PCDHGA3: variants seen among roughly 807,000 people sequenced by gnomAD.
The protein encoded by PCDHGA3 is protocadherin gamma subfamily A, 3, also known as protocadherin gamma-A3.
A neutral mutation model predicts 58.5 loss-of-function variants in PCDHGA3; 40 were observed. The ratio of observed to expected loss-of-function variants is 0.68; its 90% CI spans 0.53 to 0.89. The LOEUF is 0.89. Ranked by LOEUF, PCDHGA3 falls within the 40% of genes least tolerant of loss-of-function variation. PCDHGA3 has a pLI of 0.00. For synonymous variants in PCDHGA3, 530 were observed against 525.7 expected, an observed-to-expected ratio of 1.01 and a Z score of -0.11; for missense variants, 1,223 against 1,195.9, an observed-to-expected ratio of 1.02 and a Z score of -0.33.
intron 1 of PCDHGA3, among the ~76,000 whole-genome samples, chr5:141,369,231 A>T (rs1421250665): frequency 1.3e-5 from 2 of 152,188 alleles, no homozygotes; most frequent in Non-Finnish European, 2.9e-5. Context: ...GGACAGGAAG[A>T]TTACTTATAT....
chr5:141,350,881 A>C, intron 1 of PCDHGA3: 1 of 1,614,060 alleles, frequency 6.2e-7, no homozygotes, highest in Non-Finnish European at 8.5e-7. Context: ...CTCATCGCTT[A>C]ATCCTGACTG....
At chr5:141,369,364 A>G (rs1766184094) in intron 1 of PCDHGA3, among the ~76,000 whole-genome samples, 2 of 152,320 alleles carry the variant, frequency 1.3e-5, no homozygotes, top group African/African-American at 4.8e-5. Context: ...ATGAAAAAAC[A>G]TCCTTTGTAA....
chr5:141,362,293 A>G lies in PCDHGA3; in HGVS notation c.2424+15836A>G, dbSNP rs1303338188. On this transcript the variant is annotated intron_variant, in intron 1 of 3. Coordinates refer to ENST00000253812, the MANE Select transcript of PCDHGA3 (RefSeq NM_018916.4). ...CTCCCTGCGCCTGCGACTCTCTTCC[A>G]GGTCAGATGCTTGGGACTGTTTTCA... The G allele has an allele frequency of 2.5e-6, 4 of 1,614,028 alleles. No individual in the cohort carries two copies. The South Asian group carries it at 3.3e-5, about 13-fold the overall frequency.
intron 1 of PCDHGA3, chr5:141,390,367 T>C (rs2092130153): frequency 6.6e-7 from 1 of 1,518,766 alleles, no homozygotes; most frequent in African/African-American, 1.4e-5. Flanking sequence ...TGCAGGAAAA[T>C]ATATAATTTT....
In PCDHGA3 at chr5:141,345,525, G is replaced by A; in HGVS notation, c.1492G>A (p.Gly498Arg). Reference sequence around the variant, plus strand: ...TGCATTGACCGAGGACACTCTCCAGGGGGCGCCCCTGTCCTCCTTCGTCTC... The same window carrying A: ...TGCATTGACCGAGGACACTCTCCAGAGGGCGCCCCTGTCCTCCTTCGTCTC... Reference protein sequence around the residue: ...TYALTEDTLQGAPLSSFVSIN... With the variant: ...TYALTEDTLQRAPLSSFVSIN... Residue 498 changes from glycine (G) to arginine (R), a missense_variant, in exon 1 of 4, where the codon GGG becomes AGG. Physicochemically the swap from Gly to Arg is moderately radical, Grantham distance 125. This residue lies in a region of PCDHGA3 where 791 missense variants were observed against 708.5 expected (regional missense o/e 1.12). Coordinates refer to ENST00000253812, the MANE Select transcript of PCDHGA3 (RefSeq NM_018916.4). 1 of 1,614,116 alleles carries A rather than the reference G, an allele frequency of 6.2e-7. No homozygotes were observed. The highest frequency in any genetic ancestry group is 8.5e-7 in the Non-Finnish European group (1 of 1,180,020).
At chr5:141,378,339 A>G (rs62378424) in intron 1 of PCDHGA3, 5,525 of 152,288 alleles carry the variant, frequency 0.036, 122 homozygotes, top group Middle Eastern at 0.092. Flanking sequence ...CCTGACCAAC[A>G]TGGTGAAACC....
chr5:141,428,173 C>G, intron 1 of PCDHGA3: 1 of 1,514,730 alleles, frequency 6.6e-7, no homozygotes. Context: ...CTGTGCGTGA[C>G]GGAGGACAGC....
chr5:141,486,832 A>G lies in PCDHGA3; in HGVS notation c.2425-7975A>G. 2.5e-6 allele frequency: 4 copies of G among 1,614,182 alleles called. No individual in the cohort carries two copies. Among genetic ancestry groups the G allele is most frequent in the South Asian group, 1.1e-5 (1 of 91,082 alleles). ...TTAGCAGCACTGTAACAGTTCGTCT[A>G]TTTGTGCTGGACCTCAATGACAATG... On this transcript the variant is annotated intron_variant, in intron 1 of 3. Transcript: ENST00000253812. The surrounding 1 kb of genome is among the most constrained non-coding windows in gnomAD (Gnocchi z 5.0).
intron 1 of PCDHGA3, chr5:141,391,737 T>C (rs1050956818): frequency 6.6e-6 from 1 of 152,224 alleles, no homozygotes; most frequent in Non-Finnish European, 1.5e-5. Context: ...TTTGTAGTCA[T>C]ACTTATCCTT....
chr5:141,390,234 G>A (rs1357417854), intron 1 of PCDHGA3: 15 of 1,614,046 alleles, frequency 9.3e-6, no homozygotes, highest in Non-Finnish European at 1.3e-5. Context: ...TGATTCATCT[G>A]GGGCCTTATT....
At chr5:141,385,227 A>G (rs781548290) in intron 1 of PCDHGA3, 1 of 1,614,220 alleles carries the variant, frequency 6.2e-7, no homozygotes, top group South Asian at 1.1e-5. Context: ...CCAACTATGT[A>G]GACATGCTCA....
Position 141,345,006 on chromosome 5 carries a change from C to T in PCDHGA3, c.973C>T (p.Pro325Ser), listed in dbSNP as rs371882850. The T allele has an allele frequency of 6.2e-7, 1 of 1,613,726 alleles. No homozygotes were observed. Among genetic ancestry groups the T allele is most frequent in the Non-Finnish European group, 8.5e-7 (1 of 1,179,872 alleles). ...AATTAAAATTGAAGCACAGGATGGA[C>T]CAGGTCTTCTTTCAAGAGCCAAGAT... is the stretch of plus-strand genomic sequence containing the variant. The part of the protein sequence containing the change: ...YEIKIEAQDG[P>S]GLLSRAKILV... Residue 325 changes from proline to serine, a missense_variant, in exon 1 of 4, where the codon CCA (proline) becomes TCA (serine). By Grantham distance (74) the Pro-to-Ser change is moderately conservative (BLOSUM62 -1). Coordinates refer to ENST00000253812, the MANE Select transcript of PCDHGA3 (RefSeq NM_018916.4).
At chr5:141,365,161 G>C in intron 1 of PCDHGA3, 1 of 1,613,928 alleles carries the variant, frequency 6.2e-7, no homozygotes, top group Admixed American at 1.7e-5. Context: ...ACGGGAAATT[G>C]ACCTACTCTT....
intron 1 of PCDHGA3, chr5:141,375,368 A>C: frequency 1.2e-6 from 2 of 1,613,872 alleles, no homozygotes; most frequent in Non-Finnish European, 1.7e-6. Flanking sequence ...GGACAAAGGA[A>C]CACCACCTCT....
At chr5:141,460,150 T>G (rs1169568683) in intron 1 of PCDHGA3, among the ~76,000 whole-genome samples, 1 of 152,106 alleles carries the variant, frequency 6.6e-6, no homozygotes, top group East Asian at 1.9e-4. Context: ...ATGTGAGCTC[T>G]TTGTCACATA....
Position 141,346,298 on chromosome 5 carries a change from C to T in PCDHGA3, c.2265C>T (p.His755=). The T allele has an allele frequency of 1.9e-6, 3 of 1,614,236 alleles. No individual in the cohort carries two copies. Among genetic ancestry groups the T allele is most frequent in the East Asian group, 2.2e-5 (1 of 44,872 alleles). Residue 755 remains histidine (H), a synonymous_variant, in exon 1 of 4, where the codon CAC becomes CAT. Transcript: ENST00000253812. ...GGGCTTTCCTGCAGACCTATTCCCACGAGGTCTCCCTCACTGCGGACTCGC... is the reference window on the plus strand; with the variant it reads ...GGGCTTTCCTGCAGACCTATTCCCATGAGGTCTCCCTCACTGCGGACTCGC... ...GVRAFLQTYS[H]EVSLTADSRK...
chr5:141,356,987 GA>G, intron 1 of PCDHGA3: 1 of 1,614,186 alleles, frequency 6.2e-7, no homozygotes, highest in Non-Finnish European at 8.5e-7. Context: ...GCAGTGGACA[GA>G]GACTCAGGTC....
chr5:141,349,823 G>A (rs1368268423), intron 1 of PCDHGA3, among the ~76,000 whole-genome samples: 1 of 152,012 alleles, frequency 6.6e-6, no homozygotes, highest in Non-Finnish European at 1.5e-5. Context: ...GAAAAAAATG[G>A]CAGTGTACCT....
rs376734880 is a variant in PCDHGA3 at position 141,400,487 on chromosome 5, T to C, written c.2424+54030T>C. On this transcript the variant is annotated intron_variant, in intron 1 of 3. Coordinates refer to ENST00000253812, the MANE Select transcript of PCDHGA3 (RefSeq NM_018916.4). Reference sequence around the variant, plus strand: ...GATTCATCTGGGGCCTTATTTCCACTTTGTAATTCCAGCGAGTCGACTTCC... The same window carrying C: ...GATTCATCTGGGGCCTTATTTCCACCTTGTAATTCCAGCGAGTCGACTTCC... 4.8e-5 allele frequency: 78 copies of C among 1,613,958 alleles called. No individual in the cohort carries two copies. Among genetic ancestry groups the C allele is most frequent in the Non-Finnish European group, 6.6e-5 (78 of 1,179,896 alleles).
Sources: allele counts gnomAD v4.1 joint callset (sites outside exome capture counted in the v4.1 genomes callset), GRCh38; gene constraint gnomAD v4.1.1; regional missense constraint gnomAD v4.1.1; non-coding constraint Gnocchi (gnomAD v3.1); transcripts MANE v1.5; gene names NCBI Gene and HGNC (gene_info 2026-07-23, HGNC 2026-07-21).